The following PALM2AKAP2 variants were observed in gnomAD, a reference collection of about 807,000 sequenced individuals.
PALM2AKAP2 encodes the protein PALM2-AKAP2 fusion protein.
PALM2AKAP2 carries 37 observed loss-of-function variants against 71.5 expected under a neutral mutation model. The observed-to-expected ratio is 0.52, with a 90% confidence interval of 0.40 to 0.68. The LOEUF (loss-of-function observed/expected upper bound fraction) is 0.68, where lower values mean the gene tolerates loss of function less well. Among genes scored for constraint, PALM2AKAP2 ranks in the 30% least tolerant of loss-of-function variants. The pLI is 0.00. For missense variants in PALM2AKAP2, 1,224 were observed against 1,191.8 expected (o/e 1.03, Z -0.40); for synonymous variants, 468 against 478.8 (o/e 0.98, Z 0.29).
chr9:110,136,972 G>GAA lies in PALM2AKAP2; in HGVS notation c.1002_1003insAA (p.Gln335AsnfsTer64). ...TTGCAGCAAAATGGTGGAATCCCCCGCAGGAAAAAACCATCGAGGAGCAGC... is the reference window on the plus strand; with the variant it reads ...TTGCAGCAAAATGGTGGAATCCCCCGAACAGGAAAAAACCATCGAGGAGCAGC... On this transcript the variant is annotated frameshift_variant, in exon 2 of 4. Transcript: ENST00000374525. LOFTEE classifies it high-confidence loss of function. 1 of 1,614,062 alleles carries GAA rather than the reference G, an allele frequency of 6.2e-7. No homozygotes were observed. The highest frequency in any genetic ancestry group is 8.5e-7 in the Non-Finnish European group (1 of 1,180,018).
chr9:109,753,689 A>T (rs1180736011), intron 1 of PALM2AKAP2, among the ~76,000 whole-genome samples: 2 of 152,174 alleles, frequency 1.3e-5, no homozygotes, highest in African/African-American at 4.8e-5. Context: ...TATATCTCAG[A>T]GTCACTTAAA....
chr9:109,800,263 G>T (rs560007889), intron 1 of PALM2AKAP2, among the ~76,000 whole-genome samples: 4 of 152,218 alleles, frequency 2.6e-5, no homozygotes, highest in African/African-American at 7.2e-5. Flanking sequence ...AACTAATATT[G>T]TAAGAGCTTC....
chr9:109,832,194 T>C (rs1032303616), intron 1 of PALM2AKAP2, among the ~76,000 whole-genome samples: 4 of 152,258 alleles, frequency 2.6e-5, no homozygotes, highest in East Asian at 1.9e-4. Flanking sequence ...GCTGGACAGC[T>C]TTGGCTGTAC....
At chr9:109,753,586 T>C (rs931951026) in intron 1 of PALM2AKAP2, among the ~76,000 whole-genome samples, 7 of 152,208 alleles carry the variant, frequency 4.6e-5, no homozygotes, top group African/African-American at 1.7e-4. Context: ...TGACAGTTTC[T>C]GACCTGTTTC....
chr9:110,166,492 C>T (rs1836736166), intron 3 of PALM2AKAP2, among the ~76,000 whole-genome samples: 1 of 152,172 alleles, frequency 6.6e-6, no homozygotes, highest in South Asian at 2.1e-4. Flanking sequence ...TCCATGCTAC[C>T]ACACATTAGA....
chr9:110,145,891 CTTT>C lies in PALM2AKAP2; in HGVS notation c.2569+7375_2569+7377del, dbSNP rs61137720. On this transcript the variant is annotated intron_variant, in intron 2 of 3. Transcript: ENST00000374525. ...AAACCTGCCTGTCAGCCTCACTCTT[CTTT>C]TTTTTTTTTTTTTTTTTTTTTTGAG... 6.2e-5 allele frequency among the ~76,000 whole-genome samples: 4 copies of C among 64,492 alleles called. No individual in the cohort carries two copies. In the South Asian group the frequency reaches 1.9e-3, roughly 31 times the overall value. 42.3% of individuals were successfully genotyped at this position (64,492 alleles called of 152,430 possible).
At chr9:109,977,842 T>G (rs1341864992) in intron 6 of PALM2AKAP2, among the ~76,000 whole-genome samples, 1 of 152,046 alleles carries the variant, frequency 6.6e-6, no homozygotes, top group Non-Finnish European at 1.5e-5. Context: ...CAAGCTCTGT[T>G]TTCAGTCCCA....
At chr9:109,993,313 C>G (rs1383914279) in intron 6 of PALM2AKAP2, among the ~76,000 whole-genome samples, 1 of 152,098 alleles carries the variant, frequency 6.6e-6, no homozygotes, top group African/African-American at 2.4e-5. Context: ...AGTGTTTCCA[C>G]TAAGAGGTGG....
At chr9:110,005,468 G>C (rs111773628) in intron 6 of PALM2AKAP2, among the ~76,000 whole-genome samples, 1 of 152,220 alleles carries the variant, frequency 6.6e-6, no homozygotes, top group African/African-American at 2.4e-5. Flanking sequence ...GGCTACTCGG[G>C]GGTCAGGGAC....
At chr9:110,025,667 G>A (rs1564266752) in intron 7 of PALM2AKAP2, among the ~76,000 whole-genome samples, 3 of 152,122 alleles carry the variant, frequency 2.0e-5, no homozygotes, top group Admixed American at 2.0e-4. Context: ...AATGAATGAG[G>A]CTTCCAAGTT....
chr9:110,017,859 C>A (rs1349468247), intron 7 of PALM2AKAP2, among the ~76,000 whole-genome samples: 1 of 151,908 alleles, frequency 6.6e-6, no homozygotes, highest in Non-Finnish European at 1.5e-5. Context: ...TCCCGAGTAG[C>A]TGGGACTACA....
At chr9:109,844,961 A>ATGTGTGTGTG (rs1554720024) in intron 1 of PALM2AKAP2, among the ~76,000 whole-genome samples, 3 of 100,400 alleles carry the variant, frequency 3.0e-5, no homozygotes, top group African/African-American at 4.4e-5. Flanking sequence ...GTGTGTGTGC[A>ATGTGTGTGTG]TGTGCACACA....
At chr9:109,665,720 T>C (rs1587859433) in intron 1 of PALM2AKAP2, among the ~76,000 whole-genome samples, 9 of 152,226 alleles carry the variant, frequency 5.9e-5, no homozygotes. Flanking sequence ...ACTGCTCTCT[T>C]CAGAGCTGTC....
At chr9:109,742,086 C>G (rs973484204) in intron 1 of PALM2AKAP2, among the ~76,000 whole-genome samples, 1 of 152,168 alleles carries the variant, frequency 6.6e-6, no homozygotes, top group East Asian at 1.9e-4. Context: ...ACTTCAGTAC[C>G]TAGAGCAGTG....
At chr9:110,135,639 C>T (rs898984149) in intron 1 of PALM2AKAP2, among the ~76,000 whole-genome samples, 2 of 152,150 alleles carry the variant, frequency 1.3e-5, no homozygotes, top group African/African-American at 2.4e-5. Context: ...AGCCTGTGTG[C>T]TGCCATTAAA....
chr9:109,966,580 T>A (rs910346918), intron 6 of PALM2AKAP2, among the ~76,000 whole-genome samples: 1 of 152,372 alleles, frequency 6.6e-6, no homozygotes, highest in East Asian at 1.9e-4. Context: ...GAGTCAATAT[T>A]TGTAAAGATC....
At chr9:109,839,462 T>C (rs1473520949) in intron 1 of PALM2AKAP2, among the ~76,000 whole-genome samples, 1 of 152,188 alleles carries the variant, frequency 6.6e-6, no homozygotes, top group Non-Finnish European at 1.5e-5. Context: ...AGCATTCCCT[T>C]TGAAAACTGG....
chr9:110,101,132 A>G (rs74760454), intron 1 of PALM2AKAP2, among the ~76,000 whole-genome samples: 7,134 of 152,232 alleles, frequency 0.047, 545 homozygotes, highest in African/African-American at 0.16. Flanking sequence ...TCTGCAATGC[A>G]TCTGGGGTCC....
intron 1 of PALM2AKAP2, among the ~76,000 whole-genome samples, chr9:109,799,821 A>G (rs1827373931): frequency 6.6e-6 from 1 of 152,170 alleles, no homozygotes; most frequent in African/African-American, 2.4e-5. Context: ...TGTTTAAGGC[A>G]TTCTTTTTAT....
Sources: allele counts gnomAD v4.1 joint callset (sites outside exome capture counted in the v4.1 genomes callset), GRCh38; gene constraint gnomAD v4.1.1; transcripts MANE v1.5; gene names NCBI Gene and HGNC (gene_info 2026-07-23, HGNC 2026-07-21).